The following SHROOM4 variants were observed in gnomAD, a reference collection of about 807,000 sequenced individuals.
SHROOM4 encodes the protein protein Shroom4.
SHROOM4 carries 17 observed loss-of-function variants against 80.3 expected under a neutral mutation model. The observed-to-expected ratio is 0.21, with a 90% CI of 0.14 to 0.32. SHROOM4 has a LOEUF of 0.32. Among genes scored for constraint, SHROOM4 ranks in the 10% least tolerant of loss-of-function variants. The probability of loss-of-function intolerance (pLI) is 1.00; values close to 1 mark genes in which losing one functional copy is unlikely to be tolerated. For synonymous variants in SHROOM4, 400 were observed against 437.5 expected, an observed-to-expected ratio of 0.91 and a Z score of 1.07; for missense variants, 993 against 1,140.3, an observed-to-expected ratio of 0.87 and a Z score of 1.86.
chrX:50,608,325 A>C, intron 5 of SHROOM4, 141 bp from the exon 6 acceptor site: 10 of 501,524 alleles, frequency 2.0e-5, no homozygotes, highest in South Asian at 3.5e-5. Context: ...AGTAATAATA[A>C]TATTATAATA....
chrX:50,695,259 C>T (rs146128399), intron 2 of SHROOM4, among the ~76,000 whole-genome samples: 3,478 of 112,014 alleles, frequency 0.031, 143 homozygotes, highest in African/African-American at 0.11. Flanking sequence ...TTTGTCTGAA[C>T]AATCCATTTG....
chrX:50,779,932 G>A (rs987951267), intron 1 of SHROOM4, among the ~76,000 whole-genome samples: 1 of 111,396 alleles, frequency 9.0e-6, no homozygotes, highest in Non-Finnish European at 1.9e-5. Flanking sequence ...CATAGCAAGC[G>A]GTGGCAGCAT....
At chrX:50,638,911 T>C (rs1256077245) in intron 2 of SHROOM4, among the ~76,000 whole-genome samples, 2 of 112,564 alleles carry the variant, frequency 1.8e-5, no homozygotes, top group Admixed American at 9.4e-5. Context: ...GGGATAGGTA[T>C]TGACAGAGTG....
intron 1 of SHROOM4, among the ~76,000 whole-genome samples, chrX:50,714,670 C>A (rs1464312811): frequency 8.9e-6 from 1 of 111,944 alleles, no homozygotes; most frequent in African/African-American, 3.2e-5. Flanking sequence ...TAAATTATAA[C>A]TTTAATTTAC....
At chrX:50,615,976 G>A (rs927695183) in intron 5 of SHROOM4, among the ~76,000 whole-genome samples, 20 of 112,326 alleles carry the variant, frequency 1.8e-4, no homozygotes, top group Non-Finnish European at 3.6e-4. Flanking sequence ...AAAGAGCACC[G>A]GAGTTCATGA....
At chrX:50,618,286 T>C (rs1380010789) in intron 5 of SHROOM4, among the ~76,000 whole-genome samples, 2 of 51 alleles carry the variant, frequency 0.039, no homozygotes, top group Non-Finnish European at 0.11. Context: ...TCCCCTTCCT[T>C]CCTTCCTTCC....
intron 1 of SHROOM4, among the ~76,000 whole-genome samples, chrX:50,725,676 C>T (rs1557265827): frequency 1.8e-5 from 2 of 112,549 alleles, no homozygotes; most frequent in Non-Finnish European, 1.9e-5. Flanking sequence ...GCTTTTCCTT[C>T]ACCTTCTGCC....
chrX:50,696,192 A>G (rs184198506), intron 1 of SHROOM4, among the ~76,000 whole-genome samples: 1 of 111,883 alleles, frequency 8.9e-6, no homozygotes, highest in Admixed American at 9.5e-5. Flanking sequence ...TGGGAAGACT[A>G]GAACTTCTAA....
intron 1 of SHROOM4, among the ~76,000 whole-genome samples, chrX:50,771,617 C>T (rs1266207304): frequency 8.9e-6 from 1 of 112,249 alleles, no homozygotes; most frequent in East Asian, 2.8e-4. Flanking sequence ...CTCATACTTA[C>T]ATAGCACTTG....
intron 3 of SHROOM4, among the ~76,000 whole-genome samples, chrX:50,637,869 G>A: frequency 8.9e-6 from 1 of 111,973 alleles, no homozygotes; most frequent in East Asian, 2.8e-4. Context: ...AGAACAAAAG[G>A]AATTAGGAAA....
intron 2 of SHROOM4, among the ~76,000 whole-genome samples, chrX:50,660,379 T>C (rs1163520785): frequency 8.9e-6 from 1 of 111,760 alleles, no homozygotes; most frequent in Admixed American, 9.5e-5. Flanking sequence ...TAAGAGCACA[T>C]GTATTTCTCC....
intron 5 of SHROOM4, among the ~76,000 whole-genome samples, chrX:50,612,306 A>G (rs1557250040): frequency 9.0e-6 from 1 of 111,726 alleles, no homozygotes; most frequent in East Asian, 2.8e-4. Flanking sequence ...GAAAACTTAA[A>G]GTATTTTTCT....
At chrX:50,733,985 T>C (rs922105715) in intron 1 of SHROOM4, among the ~76,000 whole-genome samples, 1 of 111,812 alleles carries the variant, frequency 8.9e-6, no homozygotes, top group Non-Finnish European at 1.9e-5. Context: ...CAATAAACAA[T>C]CTGAAAATGA....
At chrX:50,813,082 C>T (rs984737751) in intron 1 of SHROOM4, among the ~76,000 whole-genome samples, 6 of 110,611 alleles carry the variant, frequency 5.4e-5, no homozygotes, top group Admixed American at 2.9e-4. Flanking sequence ...CTCTCCTGTC[C>T]TCAGCTGCAA....
chrX:50,703,500 C>T (rs1420711909), intron 1 of SHROOM4, among the ~76,000 whole-genome samples: 2 of 111,773 alleles, frequency 1.8e-5, no homozygotes, highest in African/African-American at 6.5e-5. Flanking sequence ...TATGGTTAGG[C>T]TCTGTGTTCC....
chrX:50,651,829 G>A (rs1364328022), intron 2 of SHROOM4, among the ~76,000 whole-genome samples: 4 of 109,485 alleles, frequency 3.7e-5, no homozygotes, highest in Non-Finnish European at 5.7e-5. Context: ...GAGAACATGT[G>A]GTGTTTGGTT....
intron 1 of SHROOM4, among the ~76,000 whole-genome samples, chrX:50,760,968 CTTG>C (rs1164176991): frequency 1.3e-4 from 15 of 111,547 alleles, no homozygotes; most frequent in Admixed American, 2.9e-4. Context: ...TCTTTACCGC[CTTG>C]TTTTGTATGA....
At chrX:50,787,377 G>T (rs1935765215) in intron 1 of SHROOM4, among the ~76,000 whole-genome samples, 1 of 111,297 alleles carries the variant, frequency 9.0e-6, no homozygotes, top group South Asian at 3.8e-4. Context: ...AGGAGGAAAA[G>T]AATTACAGAG....
chrX:50,697,000 C>A (rs1933386457), intron 1 of SHROOM4, among the ~76,000 whole-genome samples: 1 of 111,919 alleles, frequency 8.9e-6, no homozygotes, highest in African/African-American at 3.2e-5. Flanking sequence ...CCATGATAAT[C>A]CATGAAAGGA....
Sources: gnomAD v4.1 joint callset for allele counts (sites outside exome capture counted in the v4.1 genomes callset) on GRCh38, gnomAD v4.1.1 for gene constraint, MANE v1.5 for transcripts, NCBI Gene and HGNC (gene_info 2026-07-23, HGNC 2026-07-21) for gene names.